The following SPRED3 variants were observed in gnomAD, a reference collection of about 807,000 sequenced individuals.
SPRED3 encodes sprouty related EVH1 domain containing 3, also known as sprouty-related, EVH1 domain-containing protein 3.
Under a neutral mutation model 37.6 loss-of-function variants are expected in SPRED3, and 23 were observed. The ratio of observed to expected loss-of-function variants is 0.61; its 90% CI spans 0.44 to 0.87. The LOEUF is 0.87. Ranked by LOEUF, SPRED3 falls within the 40% of genes least tolerant of loss-of-function variation. The pLI is 0.00. For synonymous variants in SPRED3, 302 were observed against 279.6 expected (o/e 1.08, Z -0.80); for missense variants, 584 against 618.6 (o/e 0.94, Z 0.59).
rs919936175 is a variant in SPRED3, at chr19:38,395,171, T to C, written c.568-309T>C. 6.6e-6 allele frequency among the ~76,000 whole-genome samples: 1 copy of C among 151,990 alleles called. No individual in the cohort carries two copies. Among genetic ancestry groups the C allele is most frequent in the African/African-American group, 2.4e-5 (1 of 41,360 alleles). ...GGCCCAGGAACCAAACTCCTGCGCC[T>C]TTAAGGAGGAGGTGGCTGGGTCCAG... On this transcript the variant is annotated intron_variant, in intron 5 of 5. Coordinates refer to ENST00000691638, the MANE Select transcript of SPRED3 (RefSeq NM_001394336.1). The surrounding 1 kb of genome is among the most constrained non-coding windows in gnomAD (Gnocchi z 5.2).
At position 38,398,224 on chromosome 19, in the gene SPRED3, CTATT is replaced by C. The variant is rs571900640; in HGVS notation, c.*2105_*2108del. 1,287 of 151,702 alleles carry C rather than the reference CTATT, an allele frequency of 8.5e-3. 26 individuals carry two copies. Among genetic ancestry groups the C allele is most frequent in the African/African-American group, 0.03 (1,226 of 41,296 alleles). The allele number at this position is 151,702 out of a possible 1,614,324, so 9.4% of individuals were successfully genotyped here. On this transcript the variant is annotated 3_prime_UTR_variant, in exon 6 of 6. Transcript: ENST00000691638. ...CCCCCTCCATTAACCCCTTCTCTTC[CTATT>C]TATTTATTTATTTATTTATTTATTT... is the stretch of plus-strand genomic sequence containing the variant.
chr19:38,389,135 C>A (rs974788146), intron 1 of SPRED3, among the ~76,000 whole-genome samples: 1 of 152,238 alleles, frequency 6.6e-6, no homozygotes, highest in African/African-American at 2.4e-5. Flanking sequence ...GTGCCCCATT[C>A]CAGCTAGGCC....
chr19:38,388,731 C>T lies in SPRED3; in HGVS notation c.-81C>T. ...TGCCCGTCTCCAGCGCCGCCGGAGC[C>T]AGCCAGGGAGCCGGAACGAAAAGGA... is the stretch of plus-strand genomic sequence containing the variant. On this transcript the variant is annotated 5_prime_UTR_variant, in exon 1 of 6. Transcript: ENST00000691638. The T allele has an allele frequency of 2.5e-6, 1 of 398,098 alleles. No individual in the cohort carries two copies. The allele number at this position is 398,098 out of a possible 1,614,324, so 24.7% of individuals were successfully genotyped here. A position where few individuals can be genotyped will look rare whatever the true frequency, so the allele number is the denominator to read the frequency against.
At position 38,395,450 on chromosome 19, in the gene SPRED3, T is replaced by A; in HGVS notation, c.568-30T>A. On this transcript the variant is annotated intron_variant, in intron 5 of 5. Transcript: ENST00000691638. The surrounding 1 kb of genome is among the most constrained non-coding windows in gnomAD (Gnocchi z 5.2). ...TCCTTGAGGCTAAGACTGGGATGGA[T>A]TCTGATCTGTTTGTCCCTTCGTTCC... The A allele has an allele frequency of 7.1e-7, 1 of 1,409,604 alleles. No homozygotes were observed. Among genetic ancestry groups the A allele is most frequent in the Non-Finnish European group, 9.3e-7 (1 of 1,079,864 alleles). 87.3% of individuals were successfully genotyped at this position (1,409,604 alleles called of 1,614,324 possible).
At chr19:38,389,021 T>G (rs895365558) in intron 1 of SPRED3, among the ~76,000 whole-genome samples, 3 of 152,134 alleles carry the variant, frequency 2.0e-5, no homozygotes, top group African/African-American at 7.2e-5. Context: ...GGATGCCCCA[T>G]TCACAAAATT....
intron 1 of SPRED3, among the ~76,000 whole-genome samples, chr19:38,389,212 G>A (rs1233235402): frequency 6.6e-6 from 1 of 152,198 alleles, no homozygotes; most frequent in Non-Finnish European, 1.5e-5. Flanking sequence ...GACAAAGGAA[G>A]CAGCGTCACG....
rs749732689 is a variant in SPRED3 at position 38,395,944 on chromosome 19, G to C, written c.1032G>C (p.Ser344=). Residue 344 remains serine, a synonymous_variant, in exon 6 of 6, where the codon TCG becomes TCC. Transcript: ENST00000691638. The surrounding 1 kb of genome is among the most constrained non-coding windows in gnomAD (Gnocchi z 5.2). ...CAESLLYHCL[S]DAEGDFSDPC... ...AGAGCTTGCTCTACCACTGCCTGTC[G>C]GACGCCGAGGGCGACTTCTCGGACC... The C allele has an allele frequency of 2.7e-6, 4 of 1,499,090 alleles. No individual in the cohort carries two copies. Among genetic ancestry groups the C allele is most frequent in the East Asian group, 5.6e-5 (2 of 35,746 alleles). 92.9% of individuals were successfully genotyped at this position (1,499,090 alleles called of 1,614,324 possible).
At position 38,390,408 on chromosome 19, in the gene SPRED3, G is replaced by T; in HGVS notation, c.106G>T (p.Gly36Trp). The change falls in exon 2 of 6, where the codon GGG becomes TGG. Residue 36 changes from glycine to tryptophan, a missense_variant. Coordinates refer to ENST00000691638, the MANE Select transcript of SPRED3 (RefSeq NM_001394336.1). ...CCAGGTGAGCGTGTGTCGGGTCCGA[G>T]GGGCCAGGCCCGAGGGGGGGGCCCG... ...LSQVSVCRVR[G>W]ARPEGGARQG... The T allele has an allele frequency of 2.9e-6, 4 of 1,393,750 alleles. No homozygotes were observed. The highest frequency in any genetic ancestry group is 3.7e-6 in the Non-Finnish European group (4 of 1,070,156). 86.3% of individuals were successfully genotyped at this position (1,393,750 alleles called of 1,614,324 possible). A position where few individuals can be genotyped will look rare whatever the true frequency, so the allele number is the denominator to read the frequency against.
At chr19:38,393,855 C>T (rs534508312) in intron 4 of SPRED3, among the ~76,000 whole-genome samples, 1 of 152,282 alleles carries the variant, frequency 6.6e-6, no homozygotes, top group South Asian at 2.1e-4. Context: ...GCCTAAAACA[C>T]CTGGAGGAAC....
intron 4 of SPRED3, among the ~76,000 whole-genome samples, chr19:38,393,941 A>T (rs916639535): frequency 6.6e-6 from 1 of 152,146 alleles, no homozygotes; most frequent in African/African-American, 2.4e-5. Context: ...ACAGTTGCAG[A>T]CAGTTCCCAT....
Position 38,398,191 on chromosome 19 carries a change from T to C in SPRED3, c.*2046T>C, listed in dbSNP as rs1970920558. ...TAGTCCAGGTTCAAGTCCCACCTTTTATGTTCTCCCCCTCCATTAACCCCT... is the reference window on the plus strand; with the variant it reads ...TAGTCCAGGTTCAAGTCCCACCTTTCATGTTCTCCCCCTCCATTAACCCCT... On this transcript the variant is annotated 3_prime_UTR_variant, in exon 6 of 6. Coordinates refer to ENST00000691638, the MANE Select transcript of SPRED3 (RefSeq NM_001394336.1). 1 of 152,276 alleles carries C rather than the reference T, an allele frequency of 6.6e-6. No individual in the cohort carries two copies. Among genetic ancestry groups the C allele is most frequent in the African/African-American group, 2.4e-5 (1 of 41,446 alleles). The allele number at this position is 152,276 out of a possible 1,614,324, so 9.4% of individuals were successfully genotyped here. A position where few individuals can be genotyped will look rare whatever the true frequency, so the allele number is the denominator to read the frequency against.
chr19:38,390,768 C>CA (rs1343290267), intron 2 of SPRED3, among the ~76,000 whole-genome samples: 2 of 113,072 alleles, frequency 1.8e-5, no homozygotes, highest in East Asian at 7.1e-4. Context: ...GGCACTGCCC[C>CA]CCCCCCCCCG....
In SPRED3 at chr19:38,397,921, A is replaced by C. The variant is rs537695001; in HGVS notation, c.*1776A>C. 1 of 149,932 alleles carries C rather than the reference A, an allele frequency of 6.7e-6. No homozygotes were observed. The highest frequency in any genetic ancestry group is 2.0e-4 in the East Asian group (1 of 5,126). 9.3% of individuals were successfully genotyped at this position (149,932 alleles called of 1,614,324 possible). The stretch of plus-strand genomic sequence containing the variant: ...CCGTCTCTAAAAAAAAAAAAAAAGG[A>C]CCAAGTAGGAGCTCCCTCACTGTCA... On this transcript the variant is annotated 3_prime_UTR_variant, in exon 6 of 6. Transcript: ENST00000691638.
Position 38,396,155 on chromosome 19 carries a change from G to A in SPRED3, c.*10G>A. The A allele has an allele frequency of 1.6e-6, 2 of 1,262,336 alleles. No homozygotes were observed. Among genetic ancestry groups the A allele is most frequent in the Non-Finnish European group, 2.0e-6 (2 of 1,005,714 alleles). 78.2% of individuals were successfully genotyped at this position (1,262,336 alleles called of 1,614,324 possible). ...GGAGGCTGCGCGGTGAGGACGGCCT[G>A]GTGGGTCCCCTAGCCGGCCCGAGGA... On this transcript the variant is annotated 3_prime_UTR_variant, in exon 6 of 6. Coordinates refer to ENST00000691638, the MANE Select transcript of SPRED3 (RefSeq NM_001394336.1).
In SPRED3 at chr19:38,396,813, G is replaced by C. The variant is rs1970903900; in HGVS notation, c.*668G>C. On this transcript the variant is annotated 3_prime_UTR_variant, in exon 6 of 6. Transcript: ENST00000691638. The stretch of plus-strand genomic sequence containing the variant: ...ATCTACCCACGACTTAGTGCCCACA[G>C]ACCTGGCCTCCAGTCCGGGAACACT... 2 of 152,136 alleles carry C rather than the reference G, an allele frequency of 1.3e-5. No individual in the cohort carries two copies. The allele number at this position is 152,136 out of a possible 1,614,324, so 9.4% of individuals were successfully genotyped here.
chr19:38,391,911 G>C, intron 2 of SPRED3, 35 bp from the exon 3 acceptor site: 3 of 1,608,750 alleles, frequency 1.9e-6, no homozygotes, highest in Non-Finnish European at 2.5e-6. Context: ...TGTCTGGGTT[G>C]GGGTATCTGA....
intron 2 of SPRED3, among the ~76,000 whole-genome samples, chr19:38,390,708 T>G (rs1355946487): frequency 6.9e-6 from 1 of 144,280 alleles, no homozygotes; most frequent in Non-Finnish European, 1.5e-5. Flanking sequence ...CCTCGCTGTC[T>G]CCCTGTACTG....
intron 4 of SPRED3, chr19:38,394,295 C>G: frequency 7.0e-7 from 1 of 1,425,404 alleles, no homozygotes; most frequent in African/African-American, 1.4e-5. Flanking sequence ...TTAGATGTTC[C>G]TCAGGTTTGG....
At chr19:38,392,319 G>T (rs186410183) in intron 4 of SPRED3, 31 bp downstream of exon 4, 1 of 1,478,280 alleles carries the variant, frequency 6.8e-7, no homozygotes, top group African/African-American at 1.4e-5. Context: ...TCTGCTGGGG[G>T]AGGGTAGGGG....
Sources: gnomAD v4.1 joint callset for allele counts (sites outside exome capture counted in the v4.1 genomes callset) on GRCh38, gnomAD v4.1.1 for gene constraint, Gnocchi (gnomAD v3.1) non-coding constraint, MANE v1.5 for transcripts, NCBI Gene and HGNC (gene_info 2026-07-23, HGNC 2026-07-21) for gene names.